SERPINF1: variants seen among roughly 807,000 people sequenced by gnomAD.
SERPINF1 encodes pigment epithelium-derived factor.
In SERPINF1, 29 loss-of-function variants were observed where a neutral mutation model predicts 37.3. The observed-to-expected ratio is 0.78, with a 90% CI of 0.58 to 1.06. SERPINF1 has a LOEUF of 1.06. SERPINF1 is among the 50% of genes least tolerant of loss of function. The pLI, the probability that SERPINF1 is intolerant of heterozygous loss-of-function variation, is 0.00. For synonymous variants in SERPINF1, 281 were observed against 227.9 expected (o/e 1.23, Z -2.10); for missense variants, 553 against 532.2 (o/e 1.04, Z -0.38).
intron 6 of SERPINF1, 152 bp downstream of exon 6, chr17:1,775,352 G>A (rs1323208736): frequency 1.3e-6 from 1 of 762,710 alleles, no homozygotes; most frequent in Non-Finnish European, 2.1e-6. Context: ...ACATGTCTGA[G>A]CTTTCCTCCT....
rs1907148954 is a variant in SERPINF1, at chr17:1,762,564, CCCTCGGCTCCCTGCTA to C, written c.-9+453_-9+468del. ...CTGCAGCCCAGCCCTGGCCCCTGCT[CCCTCGGCTCCCTGCTA>C]CTTTTTCAAAATCAGCTGGTGCTGA... On this transcript the variant is annotated intron_variant, in intron 1 of 7. Coordinates refer to ENST00000254722, the MANE Select transcript of SERPINF1 (RefSeq NM_002615.7). Among the ~76,000 whole-genome samples, 11 of 152,318 alleles carry C rather than the reference CCCTCGGCTCCCTGCTA, an allele frequency of 7.2e-5. 1 individual carries two copies. In the South Asian group the frequency reaches 2.3e-3, roughly 32 times the overall value.
intron 6 of SERPINF1, 31 bp from the exon 7 acceptor site, chr17:1,776,501 G>A (rs768769236): frequency 1.2e-6 from 2 of 1,610,216 alleles, no homozygotes; most frequent in South Asian, 1.1e-5. Context: ...GGCTCTGAAG[G>A]ACTAACCACA....
chr17:1,767,074 C>T (rs1387329750), intron 2 of SERPINF1, 80 bp downstream of exon 2: 8 of 1,289,650 alleles, frequency 6.2e-6, no homozygotes, highest in Non-Finnish European at 8.6e-6. Context: ...GGACAGGGAA[C>T]CCGGACCCAG....
At chr17:1,772,127 T>A in intron 5 of SERPINF1, 52 bp downstream of exon 5, 1 of 1,552,752 alleles carries the variant, frequency 6.4e-7, no homozygotes. Flanking sequence ...TTTAACTAAT[T>A]AATTAATTCG....
chr17:1,776,210 C>T lies in SERPINF1; in HGVS notation c.787-322C>T, dbSNP rs117830091. Among the ~76,000 whole-genome samples, 1,260 of 152,196 alleles carry T rather than the reference C, an allele frequency of 8.3e-3. 9 individuals are homozygous for T. Among genetic ancestry groups the T allele is most frequent in the South Asian group, 0.034 (165 of 4,808 alleles). On this transcript the variant is annotated intron_variant, in intron 6 of 7. Coordinates refer to ENST00000254722, the MANE Select transcript of SERPINF1 (RefSeq NM_002615.7). ...TAACAAATGAGCAGTAAATGTTGGC[C>T]GATGGACTTTGGGAGAAAATAAAGA...
At chr17:1,771,773 T>C in intron 4 of SERPINF1, 99 bp from the exon 5 acceptor site, 2 of 1,175,706 alleles carry the variant, frequency 1.7e-6, no homozygotes, top group African/African-American at 1.5e-5. Flanking sequence ...AGTCAGGGCC[T>C]GCTGAGCGCT....
chr17:1,763,066 A>C (rs931257226), intron 1 of SERPINF1, among the ~76,000 whole-genome samples: 3 of 152,204 alleles, frequency 2.0e-5, no homozygotes, highest in African/African-American at 7.2e-5. Context: ...GGGCTGACTC[A>C]TTCAGCTTCT....
Position 1,776,528 on chromosome 17 carries a change from TCA to T in SERPINF1, c.787-3_787-2del. On this transcript the variant is annotated splice_acceptor_variant and splice_polypyrimidine_tract_variant and intron_variant, in intron 6 of 7. Coordinates refer to ENST00000254722, the MANE Select transcript of SERPINF1 (RefSeq NM_002615.7). LOFTEE classifies it high-confidence loss of function. Reference sequence around the variant, plus strand: ...CTAACCACATGCTTTCTCACTTGTCTCAGATTGCCCAGCTGCCCTTGACCGGA... The same window carrying T: ...CTAACCACATGCTTTCTCACTTGTCTGATTGCCCAGCTGCCCTTGACCGGA... 2 of 1,613,960 alleles carry T rather than the reference TCA, an allele frequency of 1.2e-6. No individual in the cohort carries two copies. The highest frequency in any genetic ancestry group is 8.5e-7 in the Non-Finnish European group (1 of 1,179,996).
intron 2 of SERPINF1, among the ~76,000 whole-genome samples, chr17:1,769,436 G>A (rs1907582789): frequency 6.6e-6 from 1 of 151,782 alleles, no homozygotes; most frequent in African/African-American, 2.4e-5. Context: ...TGGGTCATAG[G>A]TTTCGGCTTA....
chr17:1,772,969 AACTTTCC>A (rs2151209996), intron 5 of SERPINF1, among the ~76,000 whole-genome samples: 1 of 152,310 alleles, frequency 6.6e-6, no homozygotes, highest in Admixed American at 6.5e-5. Flanking sequence ...TACCATGTCC[AACTTTCC>A]ACTTCTTGTT....
At chr17:1,770,822 C>G (rs1907681480) in intron 3 of SERPINF1, 5 of 599,636 alleles carry the variant, frequency 8.3e-6, no homozygotes, top group Non-Finnish European at 1.5e-5. Flanking sequence ...CTCCCTCACT[C>G]CCACCTTCCA....
intron 4 of SERPINF1, 123 bp downstream of exon 4, chr17:1,771,307 G>A (rs1207552431): frequency 9.4e-6 from 10 of 1,058,672 alleles, no homozygotes; most frequent in Non-Finnish European, 1.3e-5. Context: ...GGAGTGCAGT[G>A]GCGTGATCTC....
chr17:1,774,628 G>A (rs960661362), intron 5 of SERPINF1, among the ~76,000 whole-genome samples: 15 of 151,966 alleles, frequency 9.9e-5, no homozygotes, highest in African/African-American at 1.5e-4. Flanking sequence ...CACCGTGCCC[G>A]GCCATTTTTG....
intron 5 of SERPINF1, 134 bp from the exon 6 acceptor site, chr17:1,774,924 G>GAGGCCTCAGGGAAT: frequency 3.8e-6 from 4 of 1,039,030 alleles, no homozygotes; most frequent in Non-Finnish European, 5.9e-6. Context: ...CCTATTCCCT[G>GAGGCCTCAGGGAAT]AGGCCTCAGA....
chr17:1,767,178 A>T (rs1907438459), intron 2 of SERPINF1, among the ~76,000 whole-genome samples, 184 bp downstream of exon 2: 1 of 152,090 alleles, frequency 6.6e-6, no homozygotes, highest in African/African-American at 2.4e-5. Context: ...CTTTCAGGGG[A>T]TGGAGTAGGG....
chr17:1,771,928 C>G lies in SERPINF1; in HGVS notation c.496C>G (p.Pro166Ala). ...APLEKSYGTR[P>A]RVLTGNPRLD... Reference sequence around the variant, plus strand: ...TCTGGAAAAGTCATATGGGACCAGGCCCAGAGTCCTGACGGGCAACCCTCG... The same window carrying G: ...TCTGGAAAAGTCATATGGGACCAGGGCCAGAGTCCTGACGGGCAACCCTCG... The change falls in exon 5 of 8, where the codon CCC (proline) becomes GCC (alanine). Residue 166 changes from proline (P) to alanine (A), a missense_variant. Coordinates refer to ENST00000254722, the MANE Select transcript of SERPINF1 (RefSeq NM_002615.7). 1 of 1,613,986 alleles carries G rather than the reference C, an allele frequency of 6.2e-7. No individual in the cohort carries two copies. Among genetic ancestry groups the G allele is most frequent in the Non-Finnish European group, 8.5e-7 (1 of 1,180,000 alleles).
chr17:1,769,467 C>T (rs2151207017), intron 2 of SERPINF1, among the ~76,000 whole-genome samples: 1 of 151,610 alleles, frequency 6.6e-6, no homozygotes, highest in South Asian at 2.1e-4. Flanking sequence ...GTGTTTAAAC[C>T]TGGCCATGAG....
Position 1,775,191 on chromosome 17 carries a change from C to CA in SERPINF1, c.778dup (p.Ser260LysfsTer41). 2 of 1,612,606 alleles carry CA rather than the reference C, an allele frequency of 1.2e-6. No individual in the cohort carries two copies. The highest frequency in any genetic ancestry group is 1.7e-6 in the Non-Finnish European group (2 of 1,179,364). ...TACGCTATGGCTTGGATTCAGATCT[C>CA]AGCTGCAAGGTCTGTAGGGATAGGG... On this transcript the variant is annotated frameshift_variant, in exon 6 of 8. Coordinates refer to ENST00000254722, the MANE Select transcript of SERPINF1 (RefSeq NM_002615.7). LOFTEE classifies it high-confidence loss of function.
rs1907206016 is a variant in SERPINF1 at position 1,763,452 on chromosome 17, C to CG, written c.-9+1343dup. Among the ~76,000 whole-genome samples, 4 of 152,302 alleles carry CG rather than the reference C, an allele frequency of 2.6e-5. No individual in the cohort carries two copies. The South Asian group carries it at 8.3e-4, about 32-fold the overall frequency. On this transcript the variant is annotated intron_variant, in intron 1 of 7. Coordinates refer to ENST00000254722, the MANE Select transcript of SERPINF1 (RefSeq NM_002615.7). ...CCTCCCCCGCCTGCTAGGACGAGAG[C>CG]GGGGCTTGGATACTGCCCTTTGGAC...
Sources: allele counts gnomAD v4.1 joint callset (sites outside exome capture counted in the v4.1 genomes callset), GRCh38; gene constraint gnomAD v4.1.1; transcripts MANE v1.5; gene names NCBI Gene and HGNC (gene_info 2026-07-23, HGNC 2026-07-21).